ATP8B4: variants seen among roughly 807,000 people sequenced by gnomAD.
The protein encoded by ATP8B4 is probable phospholipid-transporting ATPase IM.
Under a neutral mutation model 145.6 loss-of-function variants are expected in ATP8B4, and 133 were observed. The ratio of observed to expected loss-of-function variants is 0.91; its 90% CI spans 0.79 to 1.05. ATP8B4 has a LOEUF of 1.05. ATP8B4 is among the 50% of genes least tolerant of loss of function. The pLI, the probability that ATP8B4 is intolerant of heterozygous loss-of-function variation, is 0.00. For synonymous variants in ATP8B4, 507 were observed against 492.9 expected, an observed-to-expected ratio of 1.03 and a Z score of -0.38; for missense variants, 1,458 against 1,425.2, an observed-to-expected ratio of 1.02 and a Z score of -0.37.
At chr15:50,179,121 C>A (rs1383478206) in intron 1 of ATP8B4, among the ~76,000 whole-genome samples, 1 of 151,968 alleles carries the variant, frequency 6.6e-6, no homozygotes, top group Non-Finnish European at 1.5e-5. Context: ...AAACAAAGTG[C>A]GCTTGAAAAG....
intron 16 of ATP8B4, among the ~76,000 whole-genome samples, chr15:49,926,772 T>C (rs1275925317): frequency 1.3e-5 from 2 of 152,192 alleles, no homozygotes; most frequent in African/African-American, 4.8e-5. Flanking sequence ...GCTATGCCTT[T>C]GTGACATAAA....
At chr15:49,954,235 A>G (rs1380709507) in intron 14 of ATP8B4, among the ~76,000 whole-genome samples, 1 of 152,112 alleles carries the variant, frequency 6.6e-6, no homozygotes, top group Non-Finnish European at 1.5e-5. Flanking sequence ...GTGTGAGTCA[A>G]TTCTCCTTAA....
chr15:50,048,913 A>G (rs554061651), intron 3 of ATP8B4, among the ~76,000 whole-genome samples: 29 of 152,246 alleles, frequency 1.9e-4, no homozygotes, highest in African/African-American at 6.3e-4. Context: ...CAGCCCACAC[A>G]TGCACATTAA....
intron 1 of ATP8B4, among the ~76,000 whole-genome samples, chr15:50,172,423 C>G (rs572450509): frequency 3.3e-5 from 5 of 152,376 alleles, no homozygotes; most frequent in Non-Finnish European, 7.3e-5. Flanking sequence ...GGATTGCAGA[C>G]GGAGTCTCGC....
intron 20 of ATP8B4, among the ~76,000 whole-genome samples, chr15:49,908,244 C>G (rs1232884666): frequency 2.0e-5 from 3 of 152,182 alleles, no homozygotes; most frequent in Non-Finnish European, 4.4e-5. Context: ...GAGTCAAGTT[C>G]TGAATGAGAG....
At chr15:50,062,182 TG>T (rs1378334422) in intron 3 of ATP8B4, among the ~76,000 whole-genome samples, 1 of 152,106 alleles carries the variant, frequency 6.6e-6, no homozygotes, top group African/African-American at 2.4e-5. Flanking sequence ...GTGTTGGAGG[TG>T]GGGCCTAGTG....
chr15:49,906,792 T>G lies in ATP8B4; in HGVS notation c.2142-5553A>C, dbSNP rs548678195. Among the ~76,000 whole-genome samples, 133 of 152,276 alleles carry G rather than the reference T, an allele frequency of 8.7e-4. 1 individual carries two copies. Among genetic ancestry groups the G allele is most frequent in the Admixed American group, 3.9e-4 (6 of 15,290 alleles). On this transcript the variant is annotated intron_variant, in intron 20 of 27. Coordinates refer to ENST00000284509, the MANE Select transcript of ATP8B4 (RefSeq NM_024837.4). ...AAGGAGCAGAGTAGGAAGAAATTAC[T>G]TTCCTTCATTTCCCATCCCAGCCTA...
At chr15:49,863,198 ATTG>A (rs1282528295) in intron 26 of ATP8B4, among the ~76,000 whole-genome samples, 3 of 152,156 alleles carry the variant, frequency 2.0e-5, no homozygotes, top group Non-Finnish European at 2.9e-5. Flanking sequence ...TTATTTCTCT[ATTG>A]TTCACTTGGT....
chr15:49,885,505 TAG>T (rs996872013), intron 23 of ATP8B4, among the ~76,000 whole-genome samples: 1 of 152,224 alleles, frequency 6.6e-6, no homozygotes, highest in African/African-American at 2.4e-5. Flanking sequence ...TAGCCATTGG[TAG>T]ATACTCTACA....
intron 23 of ATP8B4, among the ~76,000 whole-genome samples, chr15:49,889,210 C>T (rs1410830864): frequency 6.6e-6 from 1 of 152,182 alleles, no homozygotes; most frequent in South Asian, 2.1e-4. Flanking sequence ...GAAGTGGGAG[C>T]CAGGAGACTT....
chr15:50,157,359 G>A (rs1335974140), intron 1 of ATP8B4, among the ~76,000 whole-genome samples: 1 of 152,210 alleles, frequency 6.6e-6, no homozygotes, highest in Non-Finnish European at 1.5e-5. Flanking sequence ...GATGAGCCAT[G>A]GAAGTGGAGA....
intron 1 of ATP8B4, among the ~76,000 whole-genome samples, chr15:50,114,091 G>A (rs1470468875): frequency 2.4e-5 from 2 of 82,456 alleles, no homozygotes; most frequent in Non-Finnish European, 5.2e-5. Flanking sequence ...TTCCTTCTTG[G>A]TCTCCTAGTT....
intron 20 of ATP8B4, among the ~76,000 whole-genome samples, chr15:49,909,051 C>A (rs1458149678): frequency 6.6e-6 from 1 of 152,140 alleles, no homozygotes; most frequent in Non-Finnish European, 1.5e-5. Context: ...CTGTCCCTGC[C>A]ACCACAGCCA....
intron 10 of ATP8B4, among the ~76,000 whole-genome samples, chr15:49,983,242 C>T (rs2046308691): frequency 6.6e-6 from 1 of 152,148 alleles, no homozygotes; most frequent in Admixed American, 6.6e-5. Context: ...ATTTTGTTGC[C>T]TGTATATTTC....
intron 25 of ATP8B4, among the ~76,000 whole-genome samples, chr15:49,872,733 G>C (rs1451483774): frequency 6.6e-6 from 1 of 152,168 alleles, no homozygotes; most frequent in African/African-American, 2.4e-5. Flanking sequence ...CTATAGAACT[G>C]TCAGAGATGG....
intron 13 of ATP8B4, among the ~76,000 whole-genome samples, chr15:49,970,211 C>A (rs1158222035): frequency 6.6e-6 from 1 of 152,156 alleles, no homozygotes; most frequent in Non-Finnish European, 1.5e-5. Context: ...AAAACCAGCA[C>A]AAGACAAGGA....
intron 14 of ATP8B4, among the ~76,000 whole-genome samples, chr15:49,951,668 C>T (rs1264322152): frequency 1.3e-5 from 2 of 152,080 alleles, no homozygotes; most frequent in Non-Finnish European, 2.9e-5. Flanking sequence ...TGTGCCTTTT[C>T]ATTGGGGCAT....
At chr15:50,003,552 AT>A (rs903461318) in intron 7 of ATP8B4, among the ~76,000 whole-genome samples, 1 of 151,830 alleles carries the variant, frequency 6.6e-6, no homozygotes, top group Non-Finnish European at 1.5e-5. Context: ...GGAAAAAAAA[AT>A]TTTTTTTGAA....
intron 12 of ATP8B4, among the ~76,000 whole-genome samples, chr15:49,979,094 A>T (rs940985397): frequency 6.6e-6 from 1 of 152,064 alleles, no homozygotes; most frequent in Non-Finnish European, 1.5e-5. Flanking sequence ...CTTTATAGAC[A>T]TGTATTCACT....
Sources: allele counts gnomAD v4.1 joint callset (sites outside exome capture counted in the v4.1 genomes callset), GRCh38; gene constraint gnomAD v4.1.1; transcripts MANE v1.5; gene names NCBI Gene and HGNC (gene_info 2026-07-23, HGNC 2026-07-21).